KCNIP1: variants seen among roughly 807,000 people sequenced by gnomAD.
The protein encoded by KCNIP1 is potassium voltage-gated channel interacting protein 1, also known as A-type potassium channel modulatory protein KCNIP1.
Under a neutral mutation model 33.0 loss-of-function variants are expected in KCNIP1, and 18 were observed. The ratio of observed to expected loss-of-function variants is 0.55; its 90% confidence interval spans 0.38 to 0.81. KCNIP1 has a LOEUF of 0.81. KCNIP1 is among the 30% of genes least tolerant of loss of function. The probability of loss-of-function intolerance (pLI) is 0.00; values close to 1 mark genes in which losing one functional copy is unlikely to be tolerated. For missense variants in KCNIP1, 238 were observed against 271.6 expected (o/e 0.88, Z 0.87); for synonymous variants, 93 against 98.3 (o/e 0.95, Z 0.32).
chr5:170,735,618 C>A (rs1482591513), intron 7 of KCNIP1, 141 bp from the exon 8 acceptor site: 2 of 672,840 alleles, frequency 3.0e-6, no homozygotes, highest in Non-Finnish European at 5.3e-6. Flanking sequence ...TCTAGGTCCC[C>A]ACCCTTACTT....
intron 1 of KCNIP1, among the ~76,000 whole-genome samples, chr5:170,396,331 A>G (rs314119): frequency 0.21 from 31,630 of 152,124 alleles, 3,341 homozygotes; most frequent in East Asian, 0.31. Flanking sequence ...ATGGACTGCT[A>G]TGCTCACTCT....
At chr5:170,515,635 T>G (rs1755093303) in intron 1 of KCNIP1, among the ~76,000 whole-genome samples, 1 of 152,188 alleles carries the variant, frequency 6.6e-6, no homozygotes, top group Non-Finnish European at 1.5e-5. Context: ...CCTTTCCAGA[T>G]GAGGACACTG....
intron 1 of KCNIP1, among the ~76,000 whole-genome samples, chr5:170,598,906 T>TGTGTGTGCGC (rs1561709588): frequency 1.5e-4 from 20 of 130,078 alleles, no homozygotes; most frequent in Non-Finnish European, 2.6e-4. Context: ...TGTGTGCGCG[T>TGTGTGTGCGC]GTGTGTGTGT....
chr5:170,363,951 T>C (rs964334066), intron 1 of KCNIP1, among the ~76,000 whole-genome samples: 40 of 152,084 alleles, frequency 2.6e-4, no homozygotes, highest in African/African-American at 9.4e-4. Flanking sequence ...CTCATATAAG[T>C]GAGTCATGAA....
intron 1 of KCNIP1, among the ~76,000 whole-genome samples, chr5:170,494,333 A>G (rs1281143524): frequency 1.3e-5 from 2 of 152,214 alleles, no homozygotes; most frequent in African/African-American, 4.8e-5. Flanking sequence ...CACTTGATAC[A>G]GGCCAGCCCA....
At chr5:170,722,665 GTCTGA>G (rs763830178) in intron 4 of KCNIP1, 43 bp from the exon 5 acceptor site, 1 of 1,288,108 alleles carries the variant, frequency 7.8e-7, no homozygotes, top group Admixed American at 1.7e-5. Context: ...GCTTCACACT[GTCTGA>G]TGGCTTGATG....
Position 170,735,762 on chromosome 5 carries a change from G to A in KCNIP1, c.607G>A (p.Asp203Asn), listed in dbSNP as rs554633148. 30 of 1,613,812 alleles carry A rather than the reference G, an allele frequency of 1.9e-5. No homozygotes were observed. The highest frequency in any genetic ancestry group is 1.3e-4 in the East Asian group (6 of 44,876). The change falls in exon 8 of 8, where the codon GAC becomes AAC. Residue 203 changes from aspartate to asparagine, a missense_variant. Transcript: ENST00000328939. ...DEFLESCQED[D>N]NIMRSLQLFQ... ...TCTTGCCCTCCTTTTTTCCCAGGACGACAACATCATGAGGTCTCTCCAGCT... is the reference window on the plus strand; with the variant it reads ...TCTTGCCCTCCTTTTTTCCCAGGACAACAACATCATGAGGTCTCTCCAGCT...
At chr5:170,387,299 C>G (rs796226662) in intron 1 of KCNIP1, among the ~76,000 whole-genome samples, 43 of 152,204 alleles carry the variant, frequency 2.8e-4, no homozygotes, top group African/African-American at 1.0e-3. Flanking sequence ...AGCCAGTGTC[C>G]GGGTGACAGG....
chr5:170,689,018 T>G (rs1207758964), intron 1 of KCNIP1, among the ~76,000 whole-genome samples: 1 of 151,994 alleles, frequency 6.6e-6, no homozygotes, highest in Non-Finnish European at 1.5e-5. Context: ...GTGGTAGTTT[T>G]GGAAGGAAGG....
At chr5:170,617,054 C>T (rs1759403882) in intron 1 of KCNIP1, among the ~76,000 whole-genome samples, 1 of 152,044 alleles carries the variant, frequency 6.6e-6, no homozygotes. Flanking sequence ...GGGTCCATGT[C>T]TTATTTGTCT....
At chr5:170,496,806 G>T (rs1409912622) in intron 1 of KCNIP1, among the ~76,000 whole-genome samples, 1 of 152,114 alleles carries the variant, frequency 6.6e-6, no homozygotes, top group African/African-American at 2.4e-5. Context: ...AAATGCGGTT[G>T]CCCAGGGCCA....
intron 1 of KCNIP1, among the ~76,000 whole-genome samples, chr5:170,650,163 T>C (rs1760985997): frequency 6.6e-6 from 1 of 152,172 alleles, no homozygotes; most frequent in Non-Finnish European, 1.5e-5. Context: ...AAAAAAGATA[T>C]ATTGAAATAT....
intron 7 of KCNIP1, 138 bp downstream of exon 7, chr5:170,734,036 A>C: frequency 1.6e-6 from 1 of 644,412 alleles, no homozygotes; most frequent in Non-Finnish European, 2.7e-6. Context: ...CACCAGCAAC[A>C]ACTGTGAAGT....
intron 1 of KCNIP1, among the ~76,000 whole-genome samples, chr5:170,659,669 A>T (rs1761400833): frequency 6.6e-6 from 1 of 152,228 alleles, no homozygotes; most frequent in Non-Finnish European, 1.5e-5. Flanking sequence ...TAACATGCAC[A>T]GCTCAGGGAA....
intron 1 of KCNIP1, among the ~76,000 whole-genome samples, chr5:170,355,330 G>C (rs567037720): frequency 1.2e-4 from 19 of 152,336 alleles, no homozygotes; most frequent in African/African-American, 4.3e-4. Flanking sequence ...CCTGGAGAAG[G>C]AGAAAGCAAA....
At chr5:170,394,206 C>A (rs1357232648) in intron 1 of KCNIP1, among the ~76,000 whole-genome samples, 3 of 152,196 alleles carry the variant, frequency 2.0e-5, no homozygotes, top group Non-Finnish European at 4.4e-5. Flanking sequence ...TCGCCCCCAG[C>A]CCCTTAGCCA....
rs182285964 is a variant in KCNIP1 at position 170,535,910 on chromosome 5, G to A, written c.61+31277G>A. Among the ~76,000 whole-genome samples, 6 of 152,250 alleles carry A rather than the reference G, an allele frequency of 3.9e-5. No homozygotes were observed. In the South Asian group the frequency reaches 8.3e-4, roughly 21 times the overall value. On this transcript the variant is annotated intron_variant, in intron 1 of 7. Transcript: ENST00000328939. ...TCAGCCAGAACATCAAGTGGAAAGG[G>A]GCCTGAGGAACTGCCTCCTCCAGCC...
intron 1 of KCNIP1, among the ~76,000 whole-genome samples, chr5:170,445,703 C>T (rs554854676): frequency 1.1e-3 from 173 of 152,302 alleles, no homozygotes; most frequent in Non-Finnish European, 2.1e-3. Context: ...TCCCGAATTT[C>T]ATCCGGCAAC....
chr5:170,611,382 C>T (rs1472679259), intron 1 of KCNIP1, among the ~76,000 whole-genome samples: 1 of 152,236 alleles, frequency 6.6e-6, no homozygotes, highest in Non-Finnish European at 1.5e-5. Flanking sequence ...CCCACAGCAT[C>T]TTCGAAAGGT....
Sources: allele counts gnomAD v4.1 joint callset (sites outside exome capture counted in the v4.1 genomes callset), GRCh38; gene constraint gnomAD v4.1.1; transcripts MANE v1.5; gene names NCBI Gene and HGNC (gene_info 2026-07-23, HGNC 2026-07-21).